FAF1: variants seen among roughly 807,000 people sequenced by gnomAD.
FAF1 encodes Fas associated factor 1.
A neutral mutation model predicts 92.5 loss-of-function variants in FAF1; 25 were observed. The ratio of observed to expected loss-of-function variants is 0.27; its 90% CI spans 0.20 to 0.38. The LOEUF (loss-of-function observed/expected upper bound fraction) is 0.38. FAF1 is among the 10% of genes least tolerant of loss of function. The pLI, the probability that FAF1 is intolerant of heterozygous loss-of-function variation, is 1.00. For synonymous variants in FAF1, 234 were observed against 273.2 expected (o/e 0.86, Z 1.42); for missense variants, 636 against 793.3 (o/e 0.80, Z 2.38).
chr1:50,840,497 T>C (rs937311537), intron 2 of FAF1, among the ~76,000 whole-genome samples: 1 of 151,958 alleles, frequency 6.6e-6, no homozygotes, highest in African/African-American at 2.4e-5. Context: ...CACAGGAAGA[T>C]TTATAAGGAA....
intron 15 of FAF1, among the ~76,000 whole-genome samples, chr1:50,523,143 C>A (rs545959582): frequency 6.6e-6 from 1 of 152,044 alleles, no homozygotes; most frequent in East Asian, 1.9e-4. Flanking sequence ...ATGGATATAC[C>A]ATATTTTTAT....
In FAF1 at chr1:50,741,740, G is replaced by A. The variant is rs923500910; in HGVS notation, c.460-2786C>T. On this transcript the variant is annotated intron_variant, in intron 5 of 18. Coordinates refer to ENST00000396153, the MANE Select transcript of FAF1 (RefSeq NM_007051.3). ...TTAGGTGCTGTAAGAAATGAGAAAA[G>A]ACTGATGGCCAGTTTTGGATTCAGC... Among the ~76,000 whole-genome samples, 3 of 152,324 alleles carry A rather than the reference G, an allele frequency of 2.0e-5. No individual in the cohort carries two copies. In the East Asian group the frequency reaches 5.8e-4, roughly 29 times the overall value.
chr1:50,439,297 T>C lies in FAF1; in HGVS notation c.*2143A>G, dbSNP rs1646149325. 6.6e-6 allele frequency: 1 copy of C among 152,260 alleles called. No individual in the cohort carries two copies. The highest frequency in any genetic ancestry group is 2.1e-4 in the South Asian group (1 of 4,834). 9.4% of individuals were successfully genotyped at this position (152,260 alleles called of 1,614,324 possible). A position where few individuals can be genotyped will look rare whatever the true frequency, so the allele number is the denominator to read the frequency against. ...CTTTGGCCTTTTGTCTGAAGCTTAG[T>C]AGACCATCATGTCCTGAGTGAACAG... On this transcript the variant is annotated 3_prime_UTR_variant, in exon 19 of 19. Coordinates refer to ENST00000396153, the MANE Select transcript of FAF1 (RefSeq NM_007051.3).
intron 4 of FAF1, among the ~76,000 whole-genome samples, chr1:50,775,361 C>T (rs888045480): frequency 1.3e-5 from 2 of 152,020 alleles, no homozygotes; most frequent in African/African-American, 4.8e-5. Flanking sequence ...GAGGAGTTAA[C>T]ATTCATAAGG....
chr1:50,515,704 C>T (rs1040107902), intron 15 of FAF1, among the ~76,000 whole-genome samples: 1 of 152,138 alleles, frequency 6.6e-6, no homozygotes, highest in African/African-American at 2.4e-5. Flanking sequence ...TTACTGCCCA[C>T]AGTTTAAGGT....
intron 1 of FAF1, among the ~76,000 whole-genome samples, chr1:50,875,084 T>C (rs897214028): frequency 2.4e-4 from 37 of 152,088 alleles, no homozygotes; most frequent in Non-Finnish European, 3.1e-4. Flanking sequence ...ATATATGAAT[T>C]CATATTAAAG....
At chr1:50,542,839 T>C (rs1049713255) in intron 13 of FAF1, among the ~76,000 whole-genome samples, 11 of 152,032 alleles carry the variant, frequency 7.2e-5, no homozygotes, top group African/African-American at 2.7e-4. Context: ...ATTACAAATT[T>C]GAAAAGACAA....
intron 15 of FAF1, among the ~76,000 whole-genome samples, chr1:50,520,274 A>G (rs1249195781): frequency 1.3e-5 from 2 of 152,196 alleles, no homozygotes; most frequent in East Asian, 3.8e-4. Flanking sequence ...TGGAAGAAAA[A>G]TGCCAGATAA....
At chr1:50,913,188 T>G (rs1308951140) in intron 1 of FAF1, among the ~76,000 whole-genome samples, 7 of 152,220 alleles carry the variant, frequency 4.6e-5, no homozygotes, top group African/African-American at 1.7e-4. Flanking sequence ...ACTATCATGG[T>G]CAGTGTTATA....
intron 7 of FAF1, among the ~76,000 whole-genome samples, chr1:50,661,301 G>A (rs1266500321): frequency 6.6e-6 from 1 of 152,066 alleles, no homozygotes; most frequent in Non-Finnish European, 1.5e-5. Flanking sequence ...TTGCCAGAAC[G>A]CTACTGTGAT....
chr1:50,802,798 C>G (rs777858376), intron 2 of FAF1, among the ~76,000 whole-genome samples: 6 of 152,208 alleles, frequency 3.9e-5, no homozygotes, highest in Non-Finnish European at 8.8e-5. Flanking sequence ...AAATGAATAA[C>G]CCACAAAAAC....
At chr1:50,602,229 C>G (rs1313198616) in intron 8 of FAF1, among the ~76,000 whole-genome samples, 2 of 152,116 alleles carry the variant, frequency 1.3e-5, no homozygotes, top group Admixed American at 1.3e-4. Flanking sequence ...TTAAGAAGAA[C>G]AATTAATATG....
intron 1 of FAF1, among the ~76,000 whole-genome samples, chr1:50,956,909 T>A (rs931840172): frequency 6.6e-6 from 1 of 152,096 alleles, no homozygotes; most frequent in African/African-American, 2.4e-5. Context: ...GATCATGCCA[T>A]TGCACTCCAG....
intron 8 of FAF1, among the ~76,000 whole-genome samples, chr1:50,637,640 G>T (rs1654101906): frequency 6.6e-6 from 1 of 150,848 alleles, no homozygotes; most frequent in South Asian, 2.1e-4. Context: ...CTGAATGTAG[G>T]CCAGGCTCTG....
chr1:50,559,227 G>A (rs1266762786), intron 13 of FAF1, among the ~76,000 whole-genome samples: 1 of 151,720 alleles, frequency 6.6e-6, no homozygotes, highest in African/African-American at 2.4e-5. Context: ...CTCCAGCCTA[G>A]GCAACAGAGC....
rs909674304 is a variant in FAF1 at position 50,959,979 on chromosome 1, G to A, written c.-168C>T. On this transcript the variant is annotated 5_prime_UTR_variant, in exon 1 of 19. Transcript: ENST00000396153. ...GCCAGCGGGCGGGGCAGCGCGGGAA[G>A]CGCTAGGCGCTCATGCACTCGGTAA... is the stretch of plus-strand genomic sequence containing the variant. The A allele has an allele frequency of 2.6e-6, 1 of 391,500 alleles. No individual in the cohort carries two copies. The highest frequency in any genetic ancestry group is 2.1e-5 in the African/African-American group (1 of 47,874). The allele number at this position is 391,500 out of a possible 1,614,324, so 24.3% of individuals were successfully genotyped here. A position where few individuals can be genotyped will look rare whatever the true frequency, so the allele number is the denominator to read the frequency against.
At chr1:50,651,899 AT>A (rs1654881289) in intron 8 of FAF1, among the ~76,000 whole-genome samples, 1 of 152,188 alleles carries the variant, frequency 6.6e-6, no homozygotes, top group Admixed American at 6.5e-5. Flanking sequence ...ACGACATATT[AT>A]TTGGCCAGGA....
chr1:50,781,844 A>G (rs1476762214), intron 4 of FAF1, among the ~76,000 whole-genome samples: 1 of 152,206 alleles, frequency 6.6e-6, no homozygotes, highest in Non-Finnish European at 1.5e-5. Context: ...ACAATAACAG[A>G]AGGAAAACTG....
intron 3 of FAF1, among the ~76,000 whole-genome samples, chr1:50,789,760 GATAC>G (rs1375383741): frequency 1.3e-5 from 2 of 151,940 alleles, no homozygotes; most frequent in African/African-American, 4.8e-5. Context: ...TTACTCTTCA[GATAC>G]ATACTTAAAG....
Sources: gnomAD v4.1 joint callset for allele counts (sites outside exome capture counted in the v4.1 genomes callset) on GRCh38, gnomAD v4.1.1 for gene constraint, MANE v1.5 for transcripts, NCBI Gene and HGNC (gene_info 2026-07-23, HGNC 2026-07-21) for gene names.